Variants in ARHGAP12 observed in about 807,000 individuals in gnomAD.
ARHGAP12 encodes the protein Rho GTPase activating protein 12, also known as rho GTPase-activating protein 12.
In ARHGAP12, 64 loss-of-function variants were observed where a neutral mutation model predicts 108.6. That is an observed-to-expected ratio of 0.59 (90% CI 0.48 to 0.73). The LOEUF (loss-of-function observed/expected upper bound fraction) is 0.73. Ranked by LOEUF, ARHGAP12 falls within the 30% of genes least tolerant of loss-of-function variation. The pLI, the probability that ARHGAP12 is intolerant of heterozygous loss-of-function variation, is 0.00. For missense variants in ARHGAP12, 940 were observed against 1,005.9 expected (o/e 0.93, Z 0.89); for synonymous variants, 312 against 337.2 (o/e 0.93, Z 0.82).
chr10:31,813,074 A>G (rs998021178), intron 14 of ARHGAP12, among the ~76,000 whole-genome samples: 1 of 152,188 alleles, frequency 6.6e-6, no homozygotes, highest in Non-Finnish European at 1.5e-5. Flanking sequence ...TGTACCTTCT[A>G]TGGTATATCT....
intron 9 of ARHGAP12, among the ~76,000 whole-genome samples, chr10:31,837,274 G>A (rs1836060695): frequency 6.6e-6 from 1 of 152,182 alleles, no homozygotes; most frequent in African/African-American, 2.4e-5. Context: ...TAGTAACAGT[G>A]CCTTAGATTC....
chr10:31,849,301 A>C (rs1479056351), intron 6 of ARHGAP12, among the ~76,000 whole-genome samples: 2 of 152,028 alleles, frequency 1.3e-5, no homozygotes, highest in African/African-American at 4.8e-5. Flanking sequence ...CCTAACCCAG[A>C]GTGTTTGTAT....
rs1488136782 is a variant in ARHGAP12 at position 31,841,052 on chromosome 10, GATAATT to G, written c.1297-1347_1297-1342del. On this transcript the variant is annotated intron_variant, in intron 7 of 19. Coordinates refer to ENST00000344936, the MANE Select transcript of ARHGAP12 (RefSeq NM_018287.7). ...TAGAAAATAAGTAACTGAATAAAAT[GATAATT>G]ATATTTTTCATAGCACATTCAGTCC... Among the ~76,000 whole-genome samples, 457 of 152,092 alleles carry G rather than the reference GATAATT, an allele frequency of 3.0e-3. 5 individuals carry two copies. The highest frequency in any genetic ancestry group is 0.01 in the African/African-American group (417 of 41,504).
In ARHGAP12 at chr10:31,839,684, A is replaced by G. The variant is rs751424890; in HGVS notation, c.1324T>C (p.Phe442Leu). 1 of 1,608,460 alleles carries G rather than the reference A, an allele frequency of 6.2e-7. No individual in the cohort carries two copies. The highest frequency in any genetic ancestry group is 1.1e-5 in the South Asian group (1 of 90,446). ...KESPTASKPCFPENESSPSSP... is the reference protein window; with the variant it reads ...KESPTASKPCLPENESSPSSP... Reference sequence around the variant, plus strand: ...GAGGGAGAAGACTCATTTTCAGGAAAGCAGGGTTTTGAGGCAGTTGGAGAT... The same window carrying G: ...GAGGGAGAAGACTCATTTTCAGGAAGGCAGGGTTTTGAGGCAGTTGGAGAT... Residue 442 changes from phenylalanine (F) to leucine (L), a missense_variant, in exon 8 of 20, where the codon TTT becomes CTT. Physicochemically the swap from Phe to Leu is conservative, Grantham distance 22. Coordinates refer to ENST00000344936, the MANE Select transcript of ARHGAP12 (RefSeq NM_018287.7).
intron 7 of ARHGAP12, among the ~76,000 whole-genome samples, chr10:31,840,617 C>T (rs368414674): frequency 3.3e-5 from 5 of 152,184 alleles, no homozygotes; most frequent in Non-Finnish European, 2.9e-5. Flanking sequence ...TTCATCTCCA[C>T]GTAGGTATCA....
At chr10:31,904,873 C>G (rs527455386) in intron 3 of ARHGAP12, among the ~76,000 whole-genome samples, 1 of 152,086 alleles carries the variant, frequency 6.6e-6, no homozygotes, top group Non-Finnish European at 1.5e-5. Flanking sequence ...GTGATCCTCC[C>G]ACCTCGGCCT....
rs1362385833 is a variant in ARHGAP12, at chr10:31,873,131, G to C, written c.685-11473C>G. 5.3e-5 allele frequency among the ~76,000 whole-genome samples: 8 copies of C among 152,254 alleles called. No individual in the cohort carries two copies. The East Asian group carries it at 1.4e-3, about 26-fold the overall frequency. On this transcript the variant is annotated intron_variant, in intron 3 of 19. Coordinates refer to ENST00000344936, the MANE Select transcript of ARHGAP12 (RefSeq NM_018287.7). ...CTACATTAAAAGGGTTATAAAAAGAGAGATAAAATGAATTACAATAATATA... is the reference window on the plus strand; with the variant it reads ...CTACATTAAAAGGGTTATAAAAAGACAGATAAAATGAATTACAATAATATA...
chr10:31,823,796 C>T (rs1474805902), intron 11 of ARHGAP12, among the ~76,000 whole-genome samples: 1 of 152,166 alleles, frequency 6.6e-6, no homozygotes, highest in Admixed American at 6.5e-5. Flanking sequence ...TAGCATCTTC[C>T]TAACGAATAT....
At position 31,861,580 on chromosome 10, in the gene ARHGAP12, C is replaced by G; in HGVS notation, c.763G>C (p.Ala255Pro). The G allele has an allele frequency of 6.2e-7, 1 of 1,614,170 alleles. No individual in the cohort carries two copies. The highest frequency in any genetic ancestry group is 1.1e-5 in the South Asian group (1 of 91,076). The change falls in exon 4 of 20, where the codon GCT becomes CCT. Residue 255 changes from alanine to proline, a missense_variant. By Grantham distance (27) the Ala-to-Pro change is conservative (BLOSUM62 -1). Transcript: ENST00000344936. ...GGGCTCCCAGGAAGTGGGGGAAGAG[C>G]AGACTGGGATATTTTCAGTTCTTGA... ...NLQELKISQS[A>P]LPPLPGSPAI...
chr10:31,828,544 CT>C (rs1835710882), intron 10 of ARHGAP12, among the ~76,000 whole-genome samples: 1 of 151,950 alleles, frequency 6.6e-6, no homozygotes. Context: ...TTTAAGTAAG[CT>C]TTTTTAGTTC....
At chr10:31,824,800 C>T (rs1326202054) in intron 11 of ARHGAP12, among the ~76,000 whole-genome samples, 2 of 152,146 alleles carry the variant, frequency 1.3e-5, no homozygotes, top group East Asian at 3.8e-4. Flanking sequence ...TAAGTGACCA[C>T]TATCCAGCTT....
chr10:31,912,310 A>AAAT (rs1344723148), intron 1 of ARHGAP12, among the ~76,000 whole-genome samples: 1 of 152,214 alleles, frequency 6.6e-6, no homozygotes, highest in Non-Finnish European at 1.5e-5. Context: ...GACATACTAT[A>AAAT]GTTAGTTAGA....
intron 3 of ARHGAP12, among the ~76,000 whole-genome samples, chr10:31,881,239 A>T (rs1270110591): frequency 6.6e-6 from 1 of 152,150 alleles, no homozygotes; most frequent in East Asian, 1.9e-4. Flanking sequence ...CAAATATAAT[A>T]TACATGTAAT....
At chr10:31,808,542 A>C (rs1834903054) in intron 19 of ARHGAP12, 107 bp downstream of exon 19, 1 of 899,702 alleles carries the variant, frequency 1.1e-6, no homozygotes, top group African/African-American at 1.7e-5. Flanking sequence ...AAAGACAGCA[A>C]GTAGCATAGC....
chr10:31,894,543 G>C (rs559543083), intron 3 of ARHGAP12, among the ~76,000 whole-genome samples: 23 of 152,278 alleles, frequency 1.5e-4, no homozygotes, highest in Admixed American at 1.1e-3. Flanking sequence ...ACTTACAAGG[G>C]ATGTGAAGGA....
chr10:31,909,140 G>C (rs570693934), intron 2 of ARHGAP12, among the ~76,000 whole-genome samples: 2 of 152,034 alleles, frequency 1.3e-5, no homozygotes, highest in East Asian at 3.9e-4. Context: ...AGTCACTTAT[G>C]ACCAAAACAA....
At chr10:31,868,215 T>A (rs574165276) in intron 3 of ARHGAP12, among the ~76,000 whole-genome samples, 2 of 150,582 alleles carry the variant, frequency 1.3e-5, no homozygotes. Flanking sequence ...AAAATCTGCA[T>A]GATCTGCCAT....
intron 5 of ARHGAP12, among the ~76,000 whole-genome samples, chr10:31,853,375 A>G (rs956932564): frequency 6.6e-6 from 1 of 152,196 alleles, no homozygotes; most frequent in African/African-American, 2.4e-5. Context: ...GCAACAACAG[A>G]ACATCATGCA....
intron 11 of ARHGAP12, 36 bp from the exon 12 acceptor site, chr10:31,820,524 A>G (rs372827544): frequency 3.8e-6 from 5 of 1,309,772 alleles, no homozygotes; most frequent in Non-Finnish European, 4.3e-6. Context: ...CCTTCATGTG[A>G]TACTCACATA....
Sources: allele counts gnomAD v4.1 joint callset (sites outside exome capture counted in the v4.1 genomes callset), GRCh38; gene constraint gnomAD v4.1.1; transcripts MANE v1.5; gene names NCBI Gene and HGNC (gene_info 2026-07-23, HGNC 2026-07-21).